Variants in ACOT11 observed in about 807,000 individuals in gnomAD.
ACOT11 encodes acyl-CoA thioesterase 11.
A neutral mutation model predicts 77.5 loss-of-function variants in ACOT11; 69 were observed. That is an observed-to-expected ratio of 0.89 (90% confidence interval 0.73 to 1.09). ACOT11 has a LOEUF of 1.09. ACOT11 is among the 50% of genes least tolerant of loss of function. The pLI is 0.00. For synonymous variants in ACOT11, 279 were observed against 313.0 expected, an observed-to-expected ratio of 0.89 and a Z score of 1.15; for missense variants, 766 against 813.7, an observed-to-expected ratio of 0.94 and a Z score of 0.71.
rs185257659 is a variant in ACOT11 at position 54,573,557 on chromosome 1, A to T, written c.34-11098A>T. Among the ~76,000 whole-genome samples the T allele has an allele frequency of 2.2e-3, 329 of 152,218 alleles. 3 individuals carry two copies. The highest frequency in any genetic ancestry group is 7.7e-3 in the African/African-American group (318 of 41,526). On this transcript the variant is annotated intron_variant, in intron 1 of 15. Transcript: ENST00000343744. ...AGATCACCCTGGCCAACATGGTGAA[A>T]CCCCATCTCTACTAAAAATACAAAA...
At chr1:54,550,447 A>T (rs1352296383) in intron 1 of ACOT11, among the ~76,000 whole-genome samples, 1 of 152,202 alleles carries the variant, frequency 6.6e-6, no homozygotes, top group Non-Finnish European at 1.5e-5. Flanking sequence ...CCTCTGGAAT[A>T]CAAGAGGGTT....
intron 15 of ACOT11, among the ~76,000 whole-genome samples, chr1:54,616,755 A>T (rs544498606): frequency 2.6e-5 from 4 of 152,262 alleles, no homozygotes; most frequent in Non-Finnish European, 5.9e-5. Flanking sequence ...CATTTCCACG[A>T]TCTTTTTTTA....
At chr1:54,569,547 C>T (rs761189284) in intron 1 of ACOT11, among the ~76,000 whole-genome samples, 1 of 152,196 alleles carries the variant, frequency 6.6e-6, no homozygotes, top group African/African-American at 2.4e-5. Flanking sequence ...AAATGCCAGT[C>T]TTGGGCTGTC....
At chr1:54,616,090 G>C (rs772698420) in intron 15 of ACOT11, 19 of 1,614,050 alleles carry the variant, frequency 1.2e-5, no homozygotes, top group Admixed American at 3.3e-5. Context: ...TAGTGGGGGG[G>C]TGTGCCATGA....
Position 54,609,866 on chromosome 1 carries a change from G to A in ACOT11, c.*754G>A. 3.1e-6 allele frequency: 5 copies of A among 1,613,934 alleles called. No individual in the cohort carries two copies. Among genetic ancestry groups the A allele is most frequent in the Non-Finnish European group, 4.2e-6 (5 of 1,180,046 alleles). On this transcript the variant is annotated 3_prime_UTR_variant, in exon 16 of 16. Transcript: ENST00000343744. ...CAGCGTCAGGATGTTGCCACTTGGA[G>A]TATGAACAATGGGCACGGGGTTTTC...
chr1:54,613,059 C>T (rs1437441824), downstream of ACOT11, among the ~76,000 whole-genome samples: 1 of 152,024 alleles, frequency 6.6e-6, no homozygotes, highest in Non-Finnish European at 1.5e-5. Flanking sequence ...AGCTGGGAGT[C>T]TCTGAAGTTT....
At chr1:54,568,061 C>T (rs1653797295) in intron 1 of ACOT11, among the ~76,000 whole-genome samples, 1 of 152,166 alleles carries the variant, frequency 6.6e-6, no homozygotes, top group African/African-American at 2.4e-5. Flanking sequence ...CAACACGTCC[C>T]TGTTCTTCCT....
chr1:54,549,802 C>T (rs1426133402), intron 1 of ACOT11, among the ~76,000 whole-genome samples: 1 of 152,208 alleles, frequency 6.6e-6, no homozygotes. Context: ...AGTAGCAGGG[C>T]CGCTTGCTCT....
Position 54,599,366 on chromosome 1 carries a change from G to T in ACOT11, c.835G>T (p.Gly279Cys). Residue 279 changes from glycine (G) to cysteine (C), a missense_variant, in exon 8 of 16, where the codon GGC becomes TGC. Gly to Cys is a radical substitution (Grantham distance 159). Coordinates refer to ENST00000343744, the MANE Select transcript of ACOT11 (RefSeq NM_147161.4). ...CCACTTCCGAGGCCCGTCCCAGGTC[G>T]GCGACCGTCTGGTGCTCAAAGCCAT... ...MFHFRGPSQV[G>C]DRLVLKAIVN... 6.2e-7 allele frequency: 1 copy of T among 1,608,180 alleles called. No homozygotes were observed. Among genetic ancestry groups the T allele is most frequent in the East Asian group, 2.2e-5 (1 of 44,720 alleles).
At chr1:54,623,059 C>A (rs1350970378) in intron 15 of ACOT11, among the ~76,000 whole-genome samples, 1 of 151,880 alleles carries the variant, frequency 6.6e-6, no homozygotes, top group African/African-American at 2.4e-5. Flanking sequence ...GCCTGTAATC[C>A]CAGCTACTCG....
intron 1 of ACOT11, among the ~76,000 whole-genome samples, chr1:54,552,901 C>G (rs1653120342): frequency 6.7e-6 from 1 of 150,056 alleles, no homozygotes; most frequent in Non-Finnish European, 1.5e-5. Flanking sequence ...TATTTTGGCT[C>G]ACCGCAACCT....
rs759778699 is a variant in ACOT11 at position 54,609,893 on chromosome 1, G to C, written c.*781G>C. ...ATGAACAATGGGCACGGGGTTTTCA[G>C]CCACAGTTCCCTCGAGGCCAGTGTT... is the stretch of plus-strand genomic sequence containing the variant. On this transcript the variant is annotated 3_prime_UTR_variant, in exon 16 of 16. Coordinates refer to ENST00000343744, the MANE Select transcript of ACOT11 (RefSeq NM_147161.4). 6.2e-7 allele frequency: 1 copy of C among 1,612,392 alleles called. No homozygotes were observed. Among genetic ancestry groups the C allele is most frequent in the Non-Finnish European group, 8.5e-7 (1 of 1,179,954 alleles).
chr1:54,573,080 A>C, intron 1 of ACOT11: 2 of 985,448 alleles, frequency 2.0e-6, no homozygotes, highest in Non-Finnish European at 2.4e-6. Context: ...AGAGGACATA[A>C]GGGTAGACAG....
At chr1:54,623,337 G>T in intron 15 of ACOT11, 2 of 1,614,090 alleles carry the variant, frequency 1.2e-6, no homozygotes, top group South Asian at 2.2e-5. Flanking sequence ...AGACACACAG[G>T]TAATGCCGGC....
chr1:54,608,788 G>GCCGGGCAA (rs1557666924), intron 15 of ACOT11, among the ~76,000 whole-genome samples, 169 bp from the exon 16 acceptor site: 1 of 152,108 alleles, frequency 6.6e-6, no homozygotes, highest in East Asian at 1.9e-4. Flanking sequence ...AGGAGGTCAT[G>GCCGGGCAA]CTGGGCAACT....
intron 15 of ACOT11, among the ~76,000 whole-genome samples, chr1:54,622,992 T>G (rs1385971958): frequency 6.6e-6 from 1 of 151,700 alleles, no homozygotes; most frequent in Non-Finnish European, 1.5e-5. Flanking sequence ...CTGGCCAACA[T>G]GGTGAAACCC....
At chr1:54,551,030 C>T (rs1049735684) in intron 1 of ACOT11, among the ~76,000 whole-genome samples, 4 of 150,866 alleles carry the variant, frequency 2.7e-5, no homozygotes, top group Non-Finnish European at 5.9e-5. Flanking sequence ...GTCCCAGCTA[C>T]TCGGGATGCC....
intron 15 of ACOT11, chr1:54,623,326 C>T (rs1041253571): frequency 6.2e-7 from 1 of 1,614,110 alleles, no homozygotes; most frequent in Non-Finnish European, 8.5e-7. Context: ...ATGACCACCA[C>T]AGACACACAG....
downstream of ACOT11, chr1:54,610,523 C>T (rs188390438): frequency 6.2e-7 from 1 of 1,613,364 alleles, no homozygotes; most frequent in East Asian, 2.2e-5. Context: ...AGGCTGCCTC[C>T]CGTGTAGTAC....
Sources: gnomAD v4.1 joint callset for allele counts (sites outside exome capture counted in the v4.1 genomes callset) on GRCh38, gnomAD v4.1.1 for gene constraint, MANE v1.5 for transcripts, NCBI Gene and HGNC (gene_info 2026-07-23, HGNC 2026-07-21) for gene names.